The following FMR1NB variants were observed in gnomAD, a reference collection of about 807,000 sequenced individuals.
FMR1NB encodes the protein FMR1 neighbor protein.
In FMR1NB, 10 loss-of-function variants were observed where a neutral mutation model predicts 16.8. That is an observed-to-expected ratio of 0.60 (90% CI 0.37 to 1.01). The LOEUF (loss-of-function observed/expected upper bound fraction) is 1.01. Among genes scored for constraint, FMR1NB ranks in the 50% least tolerant of loss-of-function variants. The pLI is 0.01. For synonymous variants in FMR1NB, 83 were observed against 79.1 expected, an observed-to-expected ratio of 1.05 and a Z score of -0.26; for missense variants, 205 against 204.8, an observed-to-expected ratio of 1.00 and a Z score of 0.00.
intron 1 of FMR1NB, among the ~76,000 whole-genome samples, chrX:147,990,840 C>A (rs1557187539): frequency 9.1e-6 from 1 of 109,791 alleles, no homozygotes; most frequent in Non-Finnish European, 1.9e-5. Flanking sequence ...CTCCCAAGAC[C>A]TTCTTTTCAG....
At chrX:147,989,765 C>T (rs2044494850) in intron 1 of FMR1NB, among the ~76,000 whole-genome samples, 1 of 111,445 alleles carries the variant, frequency 9.0e-6, no homozygotes, top group Non-Finnish European at 1.9e-5. Flanking sequence ...TGTTTTGCCA[C>T]ACTGTGTTGA....
chrX:148,025,547 G>A lies in FMR1NB; in HGVS notation c.*13+534G>A, dbSNP rs782258544. 4.5e-5 allele frequency among the ~76,000 whole-genome samples: 5 copies of A among 111,601 alleles called. No homozygotes were observed. In the South Asian group the frequency reaches 1.9e-3, roughly 42 times the overall value. On this transcript the variant is annotated intron_variant, in intron 5 of 5. Coordinates refer to ENST00000370467, the MANE Select transcript of FMR1NB (RefSeq NM_152578.3). ...TTTGTACAGGTTATACTTGTACAGG[G>A]TTATAGATCCCTAGCCTTGACTTGG... is the stretch of plus-strand genomic sequence containing the variant.
intron 4 of FMR1NB, among the ~76,000 whole-genome samples, chrX:148,017,801 G>C (rs1191316465): frequency 9.9e-6 from 1 of 101,498 alleles, no homozygotes; most frequent in East Asian, 3.2e-4. Context: ...TTGGTTTTTT[G>C]TTCTTGCGAT....
At chrX:147,989,681 C>T (rs1236491724) in intron 1 of FMR1NB, among the ~76,000 whole-genome samples, 1 of 111,957 alleles carries the variant, frequency 8.9e-6, no homozygotes, top group Non-Finnish European at 1.9e-5. Flanking sequence ...AAGCCCTTGA[C>T]TGGGGTTGCT....
rs201048852 is a variant in FMR1NB, at chrX:148,008,696, C to G, written c.617C>G (p.Ser206Cys). 4 of 1,211,215 alleles carry G rather than the reference C, an allele frequency of 3.3e-6. No homozygotes were observed. Among genetic ancestry groups the G allele is most frequent in the East Asian group, 3.0e-5 (1 of 33,823 alleles). ...GTATGTCTGCCCATTTATTGCCGCT[C>G]TCTTTTCTGGAGGAGGTAGGTGAAC... is the stretch of plus-strand genomic sequence containing the variant. ...ILVCLPIYCR[S>C]LFWRSEPADD... The change falls in exon 4 of 6, where the codon TCT (serine) becomes TGT (cysteine). Residue 206 changes from serine (S) to cysteine (C), a missense_variant. Ser to Cys is a moderately radical substitution (Grantham distance 112). Coordinates refer to ENST00000370467, the MANE Select transcript of FMR1NB (RefSeq NM_152578.3).
At chrX:147,985,113 C>T (rs967134982) in intron 1 of FMR1NB, among the ~76,000 whole-genome samples, 1 of 110,921 alleles carries the variant, frequency 9.0e-6, no homozygotes, top group African/African-American at 3.3e-5. Flanking sequence ...TATTCATAAG[C>T]GATATTGGTC....
intron 1 of FMR1NB, among the ~76,000 whole-genome samples, chrX:148,000,649 C>T (rs1557188588): frequency 1.8e-5 from 2 of 111,833 alleles, no homozygotes; most frequent in African/African-American, 3.2e-5. Context: ...GATAGAATCC[C>T]AGTTCTATCC....
intron 1 of FMR1NB, among the ~76,000 whole-genome samples, chrX:147,986,166 GTTTA>G (rs1285270794): frequency 8.9e-6 from 1 of 111,934 alleles, no homozygotes; most frequent in Admixed American, 9.5e-5. Context: ...TAATGGGGTT[GTTTA>G]TTTATTTCTT....
rs782724893 is a variant in FMR1NB, at chrX:148,003,336, AT to A, written c.397+23del. 1.6e-5 allele frequency: 19 copies of A among 1,204,010 alleles called. No individual in the cohort carries two copies. In the South Asian group the frequency reaches 1.8e-4, roughly 11 times the overall value. ...TTTCCAACAAGTAAGTTCTTGTTTG[AT>A]TTTTTTCCCCCTCTAATGTTCTTGT... On this transcript the variant is annotated intron_variant, in intron 2 of 5. Transcript: ENST00000370467.
At chrX:147,985,461 C>A (rs1557186995) in intron 1 of FMR1NB, among the ~76,000 whole-genome samples, 4 of 111,107 alleles carry the variant, frequency 3.6e-5, no homozygotes, top group African/African-American at 1.3e-4. Flanking sequence ...AATGCTCTCC[C>A]TCCCCTTTCC....
intron 4 of FMR1NB, among the ~76,000 whole-genome samples, chrX:148,020,790 C>T (rs1244340638): frequency 2.7e-5 from 3 of 111,945 alleles, no homozygotes; most frequent in African/African-American, 9.8e-5. Flanking sequence ...TTTACTCTTC[C>T]CTCTCCTCTT....
Position 148,024,953 on chromosome X carries a change from A to G in FMR1NB, c.721A>G (p.Met241Val), listed in dbSNP as rs1569546826. The change falls in exon 5 of 6, where the codon ATG (methionine) becomes GTG (valine). Residue 241 changes from methionine to valine, a missense_variant. Met to Val is a conservative substitution (Grantham distance 21). Transcript: ENST00000370467. ...AAGGAAGCGAAAGAGGAAGTCTGAA[A>G]TGTTACAGAAAGCAGCAAGAGGACG... ...QRRKRKRKSE[M>V]LQKAARGREE... is the part of the protein sequence containing the mutation. 8.3e-7 allele frequency: 1 copy of G among 1,211,326 alleles called. No homozygotes were observed. The highest frequency in any genetic ancestry group is 3.0e-5 in the East Asian group (1 of 33,839).
At chrX:148,018,314 G>GT (rs1183943029) in intron 4 of FMR1NB, among the ~76,000 whole-genome samples, 1 of 111,320 alleles carries the variant, frequency 9.0e-6, no homozygotes, top group Admixed American at 9.5e-5. Context: ...TTTTTCATGT[G>GT]TTTTTTTGGC....
intron 1 of FMR1NB, among the ~76,000 whole-genome samples, chrX:147,982,857 A>G (rs6626970): frequency 0.28 from 30,023 of 109,077 alleles, 3,422 homozygotes; most frequent in East Asian, 0.6. Context: ...TCGCGCCACT[A>G]CACTCCAGCT....
At chrX:147,985,223 C>T (rs909727933) in intron 1 of FMR1NB, among the ~76,000 whole-genome samples, 4 of 111,702 alleles carry the variant, frequency 3.6e-5, no homozygotes, top group Middle Eastern at 4.7e-3. Flanking sequence ...ATTTTGAGAA[C>T]GATTGATGTT....
Position 148,001,749 on chromosome X carries a change from C to CA in FMR1NB, c.278-1442dup, listed in dbSNP as rs199785751. On this transcript the variant is annotated intron_variant, in intron 1 of 5. Coordinates refer to ENST00000370467, the MANE Select transcript of FMR1NB (RefSeq NM_152578.3). ...TGGGCAACAGAGCGATACTCTGTCT[C>CA]AAAAAAAAAATAAAAGAAAAGATAA... 3.2e-3 allele frequency among the ~76,000 whole-genome samples: 322 copies of CA among 101,967 alleles called. 11 individuals are homozygous for CA. The highest frequency in any genetic ancestry group is 0.022 in the East Asian group (73 of 3,300). 88.5% of individuals were successfully genotyped at this position (101,967 alleles called of 115,157 possible).
rs185020607 is a variant in FMR1NB at position 147,988,515 on chromosome X, T to C, written c.277+6836T>C. ...GGTTGCTCTTCTCGAGGAGTATCTT[T>C]GTGGTGTTCTATTTCCTGAATTTGA... On this transcript the variant is annotated intron_variant, in intron 1 of 5. Coordinates refer to ENST00000370467, the MANE Select transcript of FMR1NB (RefSeq NM_152578.3). Among the ~76,000 whole-genome samples, 53 of 111,107 alleles carry C rather than the reference T, an allele frequency of 4.8e-4. No homozygotes were observed. The East Asian group carries it at 8.8e-3, about 18-fold the overall frequency.
chrX:148,003,388 G>A (rs2044580757), intron 2 of FMR1NB, 68 bp downstream of exon 2: 1 of 1,128,241 alleles, frequency 8.9e-7, no homozygotes, highest in African/African-American at 1.8e-5. Flanking sequence ...TAAATGTTTA[G>A]GAAGCAGTGT....
At chrX:147,990,678 G>T (rs2044499784) in intron 1 of FMR1NB, among the ~76,000 whole-genome samples, 1 of 111,565 alleles carries the variant, frequency 9.0e-6, no homozygotes, top group African/African-American at 3.3e-5. Context: ...TCTGTTACAA[G>T]GGAGGTTTTG....
Sources: gnomAD v4.1 joint callset for allele counts (sites outside exome capture counted in the v4.1 genomes callset) on GRCh38, gnomAD v4.1.1 for gene constraint, MANE v1.5 for transcripts, NCBI Gene and HGNC (gene_info 2026-07-23, HGNC 2026-07-21) for gene names.